Variants in PCDHA10 observed in about 807,000 individuals in gnomAD.
PCDHA10 encodes protocadherin alpha 10.
In PCDHA10, 45 loss-of-function variants were observed where a neutral mutation model predicts 61.2. The observed-to-expected ratio is 0.74, with a 90% CI of 0.58 to 0.94. The LOEUF (loss-of-function observed/expected upper bound fraction) is 0.94. Ranked by LOEUF, PCDHA10 falls within the 40% of genes least tolerant of loss-of-function variation. The probability of loss-of-function intolerance (pLI) is 0.00; values close to 1 mark genes in which losing one functional copy is unlikely to be tolerated. For synonymous variants in PCDHA10, 602 were observed against 548.8 expected (o/e 1.10, Z -1.35); for missense variants, 1,278 against 1,236.2 (o/e 1.03, Z -0.51).
chr5:140,990,814 T>A (rs1184527701), intron 3 of PCDHA10, among the ~76,000 whole-genome samples: 1 of 152,184 alleles, frequency 6.6e-6, no homozygotes, highest in Non-Finnish European at 1.5e-5. Context: ...GAAGCTCCCT[T>A]CTCTCAGCTA....
chr5:140,871,253 A>G (rs1372338399), intron 1 of PCDHA10: 1 of 1,613,856 alleles, frequency 6.2e-7, no homozygotes, highest in Non-Finnish European at 8.5e-7. Context: ...CTGCTGCTGT[A>G]TACGGCGCTG....
chr5:140,869,766 G>T, intron 1 of PCDHA10: 1 of 1,613,210 alleles, frequency 6.2e-7, no homozygotes, highest in Non-Finnish European at 8.5e-7. Context: ...GAAAACCAGA[G>T]CTTACTGGCA....
At chr5:140,900,100 A>G (rs1453942019) in intron 1 of PCDHA10, among the ~76,000 whole-genome samples, 1 of 152,162 alleles carries the variant, frequency 6.6e-6, no homozygotes, top group African/African-American at 2.4e-5. Flanking sequence ...ATGCGCCACC[A>G]TACCTGGCCT....
intron 1 of PCDHA10, among the ~76,000 whole-genome samples, chr5:140,925,502 C>G (rs978472276): frequency 6.6e-6 from 1 of 151,912 alleles, no homozygotes; most frequent in Admixed American, 6.6e-5. Context: ...GTCCCAATAT[C>G]CACGCAAAAG....
In PCDHA10 at chr5:141,009,951, A is replaced by G. The variant is rs2303646; in HGVS notation, c.*14A>G. On this transcript the variant is annotated 3_prime_UTR_variant, in exon 4 of 4. Coordinates refer to ENST00000307360, the MANE Select transcript of PCDHA10 (RefSeq NM_018901.4). ...AGTGACCAGTGAGGTCCTCAAATGGAAACAAGCCACTTAGCCAGTTTTTGT... is the reference window on the plus strand; with the variant it reads ...AGTGACCAGTGAGGTCCTCAAATGGGAACAAGCCACTTAGCCAGTTTTTGT... 5,767 of 1,593,458 alleles carry G rather than the reference A, an allele frequency of 3.6e-3. 231 individuals are homozygous for G. In the East Asian group the frequency reaches 0.095, roughly 26 times the overall value.
rs1417392698 is a variant in PCDHA10 at position 140,999,864 on chromosome 5, T to G, written c.2537-9763T>G. Among the ~76,000 whole-genome samples, 46 of 152,148 alleles carry G rather than the reference T, an allele frequency of 3.0e-4. 1 individual carries two copies. ...TGTATTTATCTCTTCCGCTCCAAGATTACTGAAAATTAGCCCAGCTGTAGC... is the reference window on the plus strand; with the variant it reads ...TGTATTTATCTCTTCCGCTCCAAGAGTACTGAAAATTAGCCCAGCTGTAGC... On this transcript the variant is annotated intron_variant, in intron 3 of 3. Coordinates refer to ENST00000307360, the MANE Select transcript of PCDHA10 (RefSeq NM_018901.4).
intron 1 of PCDHA10, chr5:140,862,242 A>C (rs1297106167): frequency 4.7e-6 from 1 of 212,242 alleles, no homozygotes; most frequent in Non-Finnish European, 9.5e-6. Flanking sequence ...CATCAATGAT[A>C]GTGTTCCAGA....
intron 1 of PCDHA10, among the ~76,000 whole-genome samples, chr5:140,975,369 T>G (rs2096664514): frequency 6.6e-6 from 1 of 152,230 alleles, no homozygotes; most frequent in Admixed American, 6.5e-5. Flanking sequence ...CATAGCATAA[T>G]GTAATCATGG....
intron 1 of PCDHA10, among the ~76,000 whole-genome samples, chr5:140,936,151 C>G (rs947807537): frequency 6.6e-6 from 1 of 152,128 alleles, no homozygotes; most frequent in Non-Finnish European, 1.5e-5. Context: ...CCTTGGCCTC[C>G]TAAAGTGCTG....
intron 1 of PCDHA10, among the ~76,000 whole-genome samples, chr5:140,963,050 G>A (rs2095732681): frequency 6.6e-6 from 1 of 152,030 alleles, no homozygotes; most frequent in African/African-American, 2.4e-5. Flanking sequence ...AGTCTATAAG[G>A]GTTTCTACAT....
At chr5:140,877,869 T>G (rs782747532) in intron 1 of PCDHA10, 1 of 1,488,856 alleles carries the variant, frequency 6.7e-7, no homozygotes, top group African/African-American at 1.4e-5. Context: ...TAGATATATT[T>G]GTTTCCTTGA....
At chr5:140,928,800 A>G (rs782641676) in intron 1 of PCDHA10, 6 of 1,614,098 alleles carry the variant, frequency 3.7e-6, no homozygotes, top group Non-Finnish European at 4.2e-6. Flanking sequence ...GGGTGGTGGT[A>G]GTGGTTCGGG....
chr5:140,933,270 C>T (rs1388946153), intron 1 of PCDHA10, among the ~76,000 whole-genome samples: 1 of 151,842 alleles, frequency 6.6e-6, no homozygotes, highest in African/African-American at 2.4e-5. Context: ...ATTATATATT[C>T]ATTTGGAACT....
At chr5:140,901,644 G>A (rs1223864756) in intron 1 of PCDHA10, among the ~76,000 whole-genome samples, 1 of 152,024 alleles carries the variant, frequency 6.6e-6, no homozygotes, top group Non-Finnish European at 1.5e-5. Context: ...GATTCTTCCG[G>A]TTTTGTTCTT....
chr5:140,951,833 A>G (rs2094641584), intron 1 of PCDHA10, among the ~76,000 whole-genome samples: 1 of 152,190 alleles, frequency 6.6e-6, no homozygotes, highest in Admixed American at 6.5e-5. Flanking sequence ...TCATTCCAGC[A>G]TTAAGCCAAA....
intron 1 of PCDHA10, chr5:140,929,180 G>C (rs782260576): frequency 2.7e-5 from 44 of 1,614,150 alleles, no homozygotes; most frequent in Non-Finnish European, 3.7e-5. Flanking sequence ...CTGGGACTTG[G>C]TTCTGATAAT....
intron 1 of PCDHA10, among the ~76,000 whole-genome samples, chr5:140,953,598 T>C (rs1189793307): frequency 2.6e-5 from 4 of 152,188 alleles, no homozygotes; most frequent in South Asian, 2.1e-4. Context: ...CTTTTGTTTA[T>C]TCCCCAGAGT....
At chr5:141,003,486 T>C (rs1563677160) in intron 3 of PCDHA10, among the ~76,000 whole-genome samples, 2 of 152,054 alleles carry the variant, frequency 1.3e-5, no homozygotes. Flanking sequence ...CTAATTTTTA[T>C]AGTTTTAGTA....
At chr5:140,884,175 C>T in intron 1 of PCDHA10, 1 of 1,613,438 alleles carries the variant, frequency 6.2e-7, no homozygotes, top group Non-Finnish European at 8.5e-7. Context: ...ACGACGCGCC[C>T]TCTGGACGAG....
Sources: gnomAD v4.1 joint callset for allele counts (sites outside exome capture counted in the v4.1 genomes callset) on GRCh38, gnomAD v4.1.1 for gene constraint, MANE v1.5 for transcripts, NCBI Gene and HGNC (gene_info 2026-07-23, HGNC 2026-07-21) for gene names.